The following TGM2 variants were observed in gnomAD, a reference collection of about 807,000 sequenced individuals.
TGM2 encodes the protein transglutaminase 2.
Under a neutral mutation model 75.6 loss-of-function variants are expected in TGM2, and 53 were observed. That is an observed-to-expected ratio of 0.70 (90% CI 0.56 to 0.88). The LOEUF is 0.88. Among genes scored for constraint, TGM2 ranks in the 40% least tolerant of loss-of-function variants. The pLI is 0.00. For missense variants in TGM2, 842 were observed against 928.5 expected, an observed-to-expected ratio of 0.91 and a Z score of 1.21; for synonymous variants, 374 against 381.1, an observed-to-expected ratio of 0.98 and a Z score of 0.22.
intron 1 of TGM2, among the ~76,000 whole-genome samples, chr20:38,162,801 G>A (rs2075269179): frequency 1.3e-5 from 2 of 152,214 alleles, no homozygotes; most frequent in Admixed American, 6.5e-5. Context: ...CGCAGGGGCA[G>A]GAGACACCAC....
chr20:38,155,801 C>T, intron 3 of TGM2, 46 bp downstream of exon 3: 1 of 1,568,690 alleles, frequency 6.4e-7, no homozygotes. Flanking sequence ...TGGGCGGATC[C>T]AGCCCTGCCC....
intron 11 of TGM2, 145 bp downstream of exon 11, chr20:38,132,195 G>C: frequency 1.1e-6 from 1 of 872,404 alleles, no homozygotes; most frequent in African/African-American, 1.7e-5. Flanking sequence ...GCTTTTCTTC[G>C]ATGAGGCTAG....
At chr20:38,157,048 C>A (rs1293738105) in intron 2 of TGM2, among the ~76,000 whole-genome samples, 1 of 152,226 alleles carries the variant, frequency 6.6e-6, no homozygotes. Flanking sequence ...CGAGGAGGGG[C>A]TGGTCACTTT....
At chr20:38,143,738 G>A (rs45489695) in intron 6 of TGM2, among the ~76,000 whole-genome samples, 4,211 of 152,314 alleles carry the variant, frequency 0.028, 163 homozygotes, top group African/African-American at 0.088. Context: ...TCTAAAAAAT[G>A]AAGAGAAACA....
At position 38,143,612 on chromosome 20, in the gene TGM2, C is replaced by T. The variant is rs45479101; in HGVS notation, c.860-1413G>A. 8.0e-4 allele frequency among the ~76,000 whole-genome samples: 118 copies of T among 147,502 alleles called. 1 individual carries two copies. The East Asian group carries it at 0.017, about 21-fold the overall frequency. On this transcript the variant is annotated intron_variant, in intron 6 of 12. Transcript: ENST00000361475. Reference sequence around the variant, plus strand: ...AGGAAAATCCCGGTGTGGATCTCACCCACACGGCCCACTGGGTGCTCCTGG... The same window carrying T: ...AGGAAAATCCCGGTGTGGATCTCACTCACACGGCCCACTGGGTGCTCCTGG...
In TGM2 at chr20:38,140,799, G is replaced by A. The variant is rs45560832; in HGVS notation, c.1099+483C>T. Reference sequence around the variant, plus strand: ...TAATGTAATTGGTTTTCTTTGTAACGCTATGTATTATATTTTATACATTTA... The same window carrying A: ...TAATGTAATTGGTTTTCTTTGTAACACTATGTATTATATTTTATACATTTA... On this transcript the variant is annotated intron_variant, in intron 8 of 12. Transcript: ENST00000361475. Among the ~76,000 whole-genome samples, 588 of 152,154 alleles carry A rather than the reference G, an allele frequency of 3.9e-3. 2 individuals are homozygous for A. The highest frequency in any genetic ancestry group is 0.012 in the African/African-American group (485 of 41,506).
Position 38,131,190 on chromosome 20 carries a change from C to T in TGM2, c.1816G>A (p.Glu606Lys). ...GGGAGCGGGTTCTGCAGGGACACCT[C>T]AGCCACCAGCTTGCGTTTCTGCTTG... The part of the protein sequence containing the change: ...EPKQKRKLVA[E>K]VSLQNPLPVA... Residue 606 changes from glutamate (E) to lysine (K), a missense_variant, in exon 12 of 13, where the codon GAG becomes AAG. Coordinates refer to ENST00000361475, the MANE Select transcript of TGM2 (RefSeq NM_004613.4). The T allele has an allele frequency of 1.2e-6, 2 of 1,613,970 alleles. No homozygotes were observed. The highest frequency in any genetic ancestry group is 8.5e-7 in the Non-Finnish European group (1 of 1,180,024).
At chr20:38,135,434 T>TAC (rs2074888054) in intron 10 of TGM2, among the ~76,000 whole-genome samples, 2 of 85,872 alleles carry the variant, frequency 2.3e-5, no homozygotes, top group Non-Finnish European at 5.4e-5. Flanking sequence ...CACACACACA[T>TAC]ACACACACAC....
intron 11 of TGM2, among the ~76,000 whole-genome samples, chr20:38,132,071 A>G (rs553937610): frequency 6.6e-6 from 1 of 152,020 alleles, no homozygotes; most frequent in African/African-American, 2.4e-5. Context: ...TTAGTAGTAT[A>G]GCATTTGAAG....
At chr20:38,152,208 G>A (rs2075122963) in intron 3 of TGM2, among the ~76,000 whole-genome samples, 2 of 152,154 alleles carry the variant, frequency 1.3e-5, no homozygotes, top group African/African-American at 2.4e-5. Flanking sequence ...TCAGGCCCCA[G>A]GCACAGTGCC....
chr20:38,136,348 G>A (rs576458642), intron 10 of TGM2, among the ~76,000 whole-genome samples: 5 of 152,194 alleles, frequency 3.3e-5, no homozygotes, highest in Non-Finnish European at 7.3e-5. Context: ...GGAGAGGGAC[G>A]ACCACTGGTT....
At position 38,146,935 on chromosome 20, in the gene TGM2, G is replaced by C. The variant is rs1239293960; in HGVS notation, c.682-41C>G. On this transcript the variant is annotated intron_variant, in intron 5 of 12. Coordinates refer to ENST00000361475, the MANE Select transcript of TGM2 (RefSeq NM_004613.4). ...CAGCACGGGGACTGAGCCTGGGATG[G>C]GGTGTCGGCTGTGCCGCCTGGGTGA... The C allele has an allele frequency of 3.8e-6, 6 of 1,599,734 alleles. No individual in the cohort carries two copies. In the South Asian group the frequency reaches 6.7e-5, roughly 18 times the overall value.
intron 2 of TGM2, among the ~76,000 whole-genome samples, chr20:38,159,016 C>T (rs1049326469): frequency 6.6e-6 from 1 of 152,094 alleles, no homozygotes; most frequent in Admixed American, 6.6e-5. Context: ...ACAGGGGCTG[C>T]GGAAGTGACC....
chr20:38,131,128 C>A lies in TGM2; in HGVS notation c.1878G>T (p.Gly626=), dbSNP rs1225932462. 3.1e-6 allele frequency: 5 copies of A among 1,613,372 alleles called. No individual in the cohort carries two copies. The highest frequency in any genetic ancestry group is 4.2e-6 in the Non-Finnish European group (5 of 1,180,010). ...ALEGCTFTVE[G]AGLTEEQKTV... ...TCTTCTGCTCCTCAGTCAGGCCGGC[C>A]CCCTCCACAGTGAAGGTGCAGCCTT... The change falls in exon 12 of 13, where the codon GGG becomes GGT. Residue 626 remains glycine (G), a synonymous_variant. Coordinates refer to ENST00000361475, the MANE Select transcript of TGM2 (RefSeq NM_004613.4).
At chr20:38,147,890 C>T (rs2075064418) in intron 5 of TGM2, 71 bp downstream of exon 5, 6 of 1,561,824 alleles carry the variant, frequency 3.8e-6, no homozygotes, top group South Asian at 1.2e-5. Flanking sequence ...CCTGTGTCTC[C>T]ACTGCGAGGG....
In TGM2 at chr20:38,132,479, A is replaced by T. The variant is rs1487460630; in HGVS notation, c.1637T>A (p.Ile546Asn). 3.1e-6 allele frequency: 5 copies of T among 1,614,136 alleles called. No homozygotes were observed. Among genetic ancestry groups the T allele is most frequent in the Non-Finnish European group, 3.4e-6 (4 of 1,180,020 alleles). ...GCAGTCACGGTATTTCTCATAGAGG[A>T]TGCAAAGAGGAACGCTCTTCTCTGC... ...PFSEKSVPLCILYEKYRDCLT... is the reference protein window; with the variant it reads ...PFSEKSVPLCNLYEKYRDCLT... The change falls in exon 11 of 13, where the codon ATC (isoleucine) becomes AAC (asparagine). Residue 546 changes from isoleucine (I) to asparagine (N), a missense_variant. By Grantham distance (149) the Ile-to-Asn change is moderately radical. Coordinates refer to ENST00000361475, the MANE Select transcript of TGM2 (RefSeq NM_004613.4).
chr20:38,136,544 C>T (rs1405267734), intron 10 of TGM2, among the ~76,000 whole-genome samples: 1 of 152,328 alleles, frequency 6.6e-6, no homozygotes, highest in Non-Finnish European at 1.5e-5. Context: ...CCCCCAGGAG[C>T]CTGATGGGGA....
Position 38,151,007 on chromosome 20 carries a change from TG to T in TGM2, c.483del (p.Thr162ProfsTer29). The T allele has an allele frequency of 6.2e-7, 1 of 1,614,104 alleles. No individual in the cohort carries two copies. The highest frequency in any genetic ancestry group is 8.5e-7 in the Non-Finnish European group (1 of 1,180,002). On this transcript the variant is annotated frameshift_variant, in exon 4 of 13. Coordinates refer to ENST00000361475, the MANE Select transcript of TGM2 (RefSeq NM_004613.4). LOFTEE classifies it high-confidence loss of function. ...DSEEERQEYV[L>X]TQQGFIYQGS... ...CCCTGGTAGATAAAGCCCTGCTGGGTGAGGACATACTCCTGCCGCTCCTCTT... is the reference window on the plus strand; with the variant it reads ...CCCTGGTAGATAAAGCCCTGCTGGGTAGGACATACTCCTGCCGCTCCTCTT...
chr20:38,146,396 C>T, intron 6 of TGM2: 1 of 443,960 alleles, frequency 2.3e-6, no homozygotes, highest in Middle Eastern at 5.8e-4. Context: ...CTCAAGGTCA[C>T]AGAGCAAGTG....
Sources: allele counts gnomAD v4.1 joint callset (sites outside exome capture counted in the v4.1 genomes callset), GRCh38; gene constraint gnomAD v4.1.1; transcripts MANE v1.5; gene names NCBI Gene and HGNC (gene_info 2026-07-23, HGNC 2026-07-21).